The following LRMDA variants were observed in gnomAD, a reference collection of about 807,000 sequenced individuals.
LRMDA encodes the protein leucine-rich melanocyte differentiation-associated protein.
Under a neutral mutation model 29.8 loss-of-function variants are expected in LRMDA, and 18 were observed. The observed-to-expected ratio is 0.60, with a 90% CI of 0.42 to 0.90. The LOEUF is 0.90. Among genes scored for constraint, LRMDA ranks in the 40% least tolerant of loss-of-function variants. The pLI is 0.00. For missense variants in LRMDA, 273 were observed against 273.9 expected (o/e 1.00, Z 0.02); for synonymous variants, 125 against 109.4 (o/e 1.14, Z -0.89).
chr10:76,461,580 C>A (rs1487865111), intron 6 of LRMDA, among the ~76,000 whole-genome samples: 2 of 152,116 alleles, frequency 1.3e-5, no homozygotes, highest in Non-Finnish European at 1.5e-5. Context: ...TTTCAGAATG[C>A]AACAAGATTG....
chr10:76,275,626 C>G (rs1278705204), intron 5 of LRMDA, among the ~76,000 whole-genome samples: 1 of 151,942 alleles, frequency 6.6e-6, no homozygotes, highest in East Asian at 1.9e-4. Context: ...TTGCTTTTTA[C>G]TTCTGAACCA....
chr10:75,986,726 C>A (rs1307672857), intron 2 of LRMDA, among the ~76,000 whole-genome samples: 1 of 152,242 alleles, frequency 6.6e-6, no homozygotes, highest in African/African-American at 2.4e-5. Flanking sequence ...TTTCCCCAGG[C>A]CTAGGCCACG....
At chr10:75,659,386 T>C (rs1051812165) in intron 2 of LRMDA, among the ~76,000 whole-genome samples, 5 of 152,152 alleles carry the variant, frequency 3.3e-5, no homozygotes, top group African/African-American at 1.2e-4. Context: ...TTCCCCAGCT[T>C]TATTTGAGGT....
At chr10:75,719,770 G>A (rs771855845) in intron 2 of LRMDA, among the ~76,000 whole-genome samples, 30 of 152,228 alleles carry the variant, frequency 2.0e-4, no homozygotes, top group Admixed American at 4.6e-4. Context: ...ACAGCTTGTC[G>A]GTTCTATTAC....
chr10:76,237,785 C>CTTTT (rs33976322), intron 5 of LRMDA, among the ~76,000 whole-genome samples: 1,692 of 84,076 alleles, frequency 0.02, 92 homozygotes, highest in Middle Eastern at 0.053. Flanking sequence ...GACAAGAGTG[C>CTTTT]TTTTTTTTTT....
intron 5 of LRMDA, among the ~76,000 whole-genome samples, chr10:76,066,323 A>G (rs1848784791): frequency 1.3e-5 from 2 of 152,244 alleles, no homozygotes; most frequent in Non-Finnish European, 2.9e-5. Context: ...AAGAACATGC[A>G]TTAAGTAGTC....
rs549504330 is a variant in LRMDA at position 76,484,376 on chromosome 10, A to C, written c.602-72833A>C. Among the ~76,000 whole-genome samples the C allele has an allele frequency of 3.3e-5, 5 of 152,028 alleles. No homozygotes were observed. The East Asian group carries it at 9.8e-4, about 30-fold the overall frequency. On this transcript the variant is annotated intron_variant, in intron 6 of 6. Transcript: ENST00000611255. Reference sequence around the variant, plus strand: ...CAACATTTTAATTAGGGTAGCAATGAAACAATAGAGCAGTTCAGGGGAAGA... The same window carrying C: ...CAACATTTTAATTAGGGTAGCAATGCAACAATAGAGCAGTTCAGGGGAAGA...
chr10:76,158,935 T>G (rs1230853243), intron 5 of LRMDA, among the ~76,000 whole-genome samples: 1 of 152,108 alleles, frequency 6.6e-6, no homozygotes, highest in African/African-American at 2.4e-5. Context: ...GGAAATTAGA[T>G]AGATAAAATG....
intron 2 of LRMDA, among the ~76,000 whole-genome samples, chr10:75,683,052 T>G (rs1360847820): frequency 1.3e-5 from 2 of 152,226 alleles, no homozygotes; most frequent in African/African-American, 4.8e-5. Context: ...TGTAGCTAGT[T>G]GGCCGCGATG....
chr10:75,900,807 A>G (rs1278570152), intron 2 of LRMDA, among the ~76,000 whole-genome samples: 1 of 152,154 alleles, frequency 6.6e-6, no homozygotes, highest in Admixed American at 6.5e-5. Flanking sequence ...TTTTTAAACA[A>G]ATAGAACACT....
At chr10:75,687,554 A>G (rs925538486) in intron 2 of LRMDA, among the ~76,000 whole-genome samples, 2 of 152,254 alleles carry the variant, frequency 1.3e-5, no homozygotes, top group Non-Finnish European at 2.9e-5. Context: ...GAAAGAAGCC[A>G]TCATCTCTGT....
chr10:76,155,524 A>G lies in LRMDA; in HGVS notation c.516+96741A>G, dbSNP rs186644795. Among the ~76,000 whole-genome samples the G allele has an allele frequency of 3.3e-3, 503 of 152,316 alleles. 1 individual carries two copies. Among genetic ancestry groups the G allele is most frequent in the Non-Finnish European group, 5.6e-3 (383 of 68,022 alleles). ...AGACAATATTAGCATTTTTCAATATATGATTTTCATTTCCTTTCTGAGCTG... is the reference window on the plus strand; with the variant it reads ...AGACAATATTAGCATTTTTCAATATGTGATTTTCATTTCCTTTCTGAGCTG... On this transcript the variant is annotated intron_variant, in intron 5 of 6. Transcript: ENST00000611255.
At chr10:76,458,839 A>G (rs1218857945) in intron 6 of LRMDA, among the ~76,000 whole-genome samples, 9 of 152,126 alleles carry the variant, frequency 5.9e-5, no homozygotes, top group Non-Finnish European at 5.9e-5. Flanking sequence ...TTGAAAATAT[A>G]TTAAGAAGAT....
At chr10:76,076,345 CAAAAAAAAAA>C (rs397846101) in intron 5 of LRMDA, among the ~76,000 whole-genome samples, 3 of 50,032 alleles carry the variant, frequency 6.0e-5, no homozygotes, top group East Asian at 7.7e-4. Flanking sequence ...GACTCCATCT[CAAAAAAAAAA>C]AAAAAAAAAA....
At chr10:75,725,681 A>G (rs1842623168) in intron 2 of LRMDA, among the ~76,000 whole-genome samples, 1 of 152,144 alleles carries the variant, frequency 6.6e-6, no homozygotes, top group Non-Finnish European at 1.5e-5. Flanking sequence ...AGCCCTCCCT[A>G]TTAGAATCTG....
intron 2 of LRMDA, among the ~76,000 whole-genome samples, chr10:75,764,050 G>T (rs189493464): frequency 6.6e-6 from 1 of 152,082 alleles, no homozygotes; most frequent in Non-Finnish European, 1.5e-5. Flanking sequence ...GAATCTGGTC[G>T]CATGGAGACC....
At chr10:76,425,353 CT>C (rs961209142) in intron 6 of LRMDA, among the ~76,000 whole-genome samples, 2 of 150,432 alleles carry the variant, frequency 1.3e-5, no homozygotes, top group Non-Finnish European at 3.0e-5. Context: ...AATTTTTTTT[CT>C]TTTTTTTTCT....
chr10:76,243,007 A>C (rs1170516952), intron 5 of LRMDA, among the ~76,000 whole-genome samples: 1 of 152,106 alleles, frequency 6.6e-6, no homozygotes, highest in East Asian at 1.9e-4. Context: ...ACCTCCAAAG[A>C]CAGGATAGGA....
At chr10:76,414,355 A>G (rs1037110473) in intron 6 of LRMDA, among the ~76,000 whole-genome samples, 1 of 152,198 alleles carries the variant, frequency 6.6e-6, no homozygotes, top group Non-Finnish European at 1.5e-5. Flanking sequence ...AGCAACAAAA[A>G]CAACAAACCA....
Sources: allele counts gnomAD v4.1 joint callset (sites outside exome capture counted in the v4.1 genomes callset), GRCh38; gene constraint gnomAD v4.1.1; transcripts MANE v1.5; gene names NCBI Gene and HGNC (gene_info 2026-07-23, HGNC 2026-07-21).